Variants in CNTRL observed in about 807,000 individuals in gnomAD.
CNTRL encodes the protein centriolin.
Under a neutral mutation model 303.7 loss-of-function variants are expected in CNTRL, and 233 were observed. That is an observed-to-expected ratio of 0.77 (90% CI 0.69 to 0.86). The LOEUF (loss-of-function observed/expected upper bound fraction) is 0.86. Among genes scored for constraint, CNTRL ranks in the 40% least tolerant of loss-of-function variants. CNTRL has a pLI of 0.00. For synonymous variants in CNTRL, 900 were observed against 922.2 expected (o/e 0.98, Z 0.44); for missense variants, 2,524 against 2,650.6 (o/e 0.95, Z 1.05).
intron 13 of CNTRL, among the ~76,000 whole-genome samples, chr9:121,125,281 C>T (rs2050453680): frequency 6.6e-6 from 1 of 151,836 alleles, no homozygotes; most frequent in Admixed American, 6.6e-5. Context: ...GATCCTCCTG[C>T]CTCAGCCTCG....
At chr9:121,142,550 C>T (rs2051577908) in intron 19 of CNTRL, among the ~76,000 whole-genome samples, 2 of 152,204 alleles carry the variant, frequency 1.3e-5, no homozygotes, top group Non-Finnish European at 2.9e-5. Context: ...GAGTTTGACT[C>T]CTTTGAAACC....
intron 2 of CNTRL, among the ~76,000 whole-genome samples, chr9:121,083,760 G>T (rs545833427): frequency 1.3e-5 from 2 of 152,190 alleles, no homozygotes; most frequent in Non-Finnish European, 2.9e-5. Context: ...AGCACAGTAG[G>T]TTTGTTTACA....
At chr9:121,082,484 T>TGACTG (rs1486159036) in intron 2 of CNTRL, among the ~76,000 whole-genome samples, 2 of 152,234 alleles carry the variant, frequency 1.3e-5, no homozygotes, top group Non-Finnish European at 2.9e-5. Context: ...CATGTGTCCC[T>TGACTG]TAATGACAGA....
At chr9:121,142,291 G>C (rs1469701167) in intron 19 of CNTRL, 21 bp downstream of exon 19, 1 of 1,586,018 alleles carries the variant, frequency 6.3e-7, no homozygotes, top group South Asian at 1.2e-5. Flanking sequence ...CTTAGAAAAT[G>C]AGACACATAA....
intron 8 of CNTRL, among the ~76,000 whole-genome samples, chr9:121,108,744 G>C (rs1195766806): frequency 2.7e-5 from 4 of 150,938 alleles, no homozygotes; most frequent in Non-Finnish European, 5.9e-5. Context: ...CATCAGCCTG[G>C]GCAACATAAT....
intron 8 of CNTRL, 87 bp downstream of exon 8, chr9:121,108,082 C>T (rs2049565203): frequency 2.5e-6 from 2 of 810,766 alleles, no homozygotes; most frequent in Admixed American, 3.4e-5. Flanking sequence ...AACTTCCTGA[C>T]CATATAATGG....
intron 42 of CNTRL, 55 bp downstream of exon 42, chr9:121,173,792 G>T: frequency 2.0e-6 from 3 of 1,516,222 alleles, no homozygotes; most frequent in Non-Finnish European, 2.7e-6. Flanking sequence ...ACATTGGGGA[G>T]GGGAGGGGAA....
In CNTRL at chr9:121,125,841, G is replaced by A; in HGVS notation, c.1930G>A (p.Asp644Asn). 2 of 1,614,222 alleles carry A rather than the reference G, an allele frequency of 1.2e-6. No homozygotes were observed. The highest frequency in any genetic ancestry group is 2.2e-5 in the South Asian group (2 of 91,084). Residue 644 changes from aspartate to asparagine, a missense_variant, in exon 14 of 44, where the codon GAT becomes AAT. Asp to Asn is a conservative substitution (Grantham distance 23). Coordinates refer to ENST00000373855, the MANE Select transcript of CNTRL (RefSeq NM_007018.6). ...CCAGAATGAGTGCAGGAAGCTGCGG[G>A]ATGAGAAAGAGACATTGTTGCAGAG... ...QAQNECRKLR[D>N]EKETLLQRLT...
rs1175030824 is a variant in CNTRL, at chr9:121,173,255, A to G, written c.6430A>G (p.Lys2144Glu). The change falls in exon 41 of 44, where the codon AAA (lysine) becomes GAA (glutamate). Residue 2144 changes from lysine to glutamate, a missense_variant. Coordinates refer to ENST00000373855, the MANE Select transcript of CNTRL (RefSeq NM_007018.6). ...ACTCACTGTTTAGATGGCAAACCAA[A>G]AAGATTTGGAGAGAAGACAAATGGA... ...TELKKQMANQ[K>E]DLERRQMEIS... The G allele has an allele frequency of 1.9e-6, 3 of 1,606,492 alleles. No individual in the cohort carries two copies. Among genetic ancestry groups the G allele is most frequent in the East Asian group, 4.5e-5 (2 of 44,736 alleles).
At chr9:121,152,728 C>G (rs775410793) in intron 26 of CNTRL, 35 bp downstream of exon 26, 1 of 1,446,662 alleles carries the variant, frequency 6.9e-7, no homozygotes, top group Non-Finnish European at 9.6e-7. Context: ...CAGACAAATA[C>G]GATATTAGTT....
chr9:121,149,952 A>G (rs528074082), intron 24 of CNTRL, among the ~76,000 whole-genome samples: 21 of 152,344 alleles, frequency 1.4e-4, no homozygotes, highest in Non-Finnish European at 2.5e-4. Flanking sequence ...ACAGATAAAC[A>G]TAAGAAAAAC....
intron 36 of CNTRL, among the ~76,000 whole-genome samples, chr9:121,167,030 A>AT (rs1433385757): frequency 1.3e-5 from 2 of 149,876 alleles, no homozygotes; most frequent in Non-Finnish European, 3.0e-5. Context: ...TCAAAAAAAA[A>AT]AAAAGTTAAC....
intron 27 of CNTRL, 57 bp downstream of exon 27, chr9:121,154,970 C>A: frequency 7.1e-7 from 1 of 1,404,074 alleles, no homozygotes; most frequent in Non-Finnish European, 1.0e-6. Flanking sequence ...AGCTTACTGT[C>A]CACCTGAAGG....
At chr9:121,176,730 A>C (rs1176828193) in intron 43 of CNTRL, among the ~76,000 whole-genome samples, 1 of 152,146 alleles carries the variant, frequency 6.6e-6, no homozygotes, top group Non-Finnish European at 1.5e-5. Flanking sequence ...TATGGGATAA[A>C]AGCCTGAACT....
In CNTRL at chr9:121,152,487, G is replaced by C. The variant is rs151124524; in HGVS notation, c.3966G>C (p.Glu1322Asp). Residue 1322 changes from glutamate to aspartate, a missense_variant and splice_region_variant, in exon 26 of 44, where the codon GAG (glutamate) becomes GAC (aspartate). By Grantham distance (45) the Glu-to-Asp change is conservative. Coordinates refer to ENST00000373855, the MANE Select transcript of CNTRL (RefSeq NM_007018.6). The stretch of plus-strand genomic sequence containing the variant: ...ATTTTTTTCCCCATCTCATTCAGGA[G>C]AATGAAGTTTCTAGATTAGAAGACA... ...HCNVPEHHNL[E>D]NEVSRLEDIM... 1 of 1,613,144 alleles carries C rather than the reference G, an allele frequency of 6.2e-7. No homozygotes were observed. The highest frequency in any genetic ancestry group is 8.5e-7 in the Non-Finnish European group (1 of 1,179,288).
At chr9:121,127,643 A>G (rs541407492) in intron 14 of CNTRL, among the ~76,000 whole-genome samples, 2 of 151,746 alleles carry the variant, frequency 1.3e-5, no homozygotes, top group Admixed American at 6.6e-5. Flanking sequence ...TAATTTCTAC[A>G]TGATTTTATA....
chr9:121,090,617 T>G (rs2048525958), intron 4 of CNTRL, among the ~76,000 whole-genome samples: 1 of 152,194 alleles, frequency 6.6e-6, no homozygotes, highest in African/African-American at 2.4e-5. Flanking sequence ...AGAGAAGGGG[T>G]TGGCAAAGTA....
chr9:121,106,093 C>G (rs781497400), intron 7 of CNTRL, among the ~76,000 whole-genome samples: 24 of 152,066 alleles, frequency 1.6e-4, no homozygotes, highest in Non-Finnish European at 3.2e-4. Context: ...AATCCCAGCA[C>G]TTTGGGAGGC....
chr9:121,098,476 C>T lies in CNTRL; in HGVS notation c.712C>T (p.Gln238Ter). 1 of 1,613,684 alleles carries T rather than the reference C, an allele frequency of 6.2e-7. No homozygotes were observed. Among genetic ancestry groups the T allele is most frequent in the Non-Finnish European group, 8.5e-7 (1 of 1,179,618 alleles). ...NPVVTLPHYL[Q>*]FTIFHLRSLE... The stretch of plus-strand genomic sequence containing the variant: ...AGTTGTGACCCTTCCTCATTACCTC[C>T]AGTTTACCATTTTCCACCTCCGTTC... Residue 238 changes from glutamine to a stop codon, truncating the protein, a stop_gained, in exon 7 of 44, where the codon CAG becomes TAG. Coordinates refer to ENST00000373855, the MANE Select transcript of CNTRL (RefSeq NM_007018.6). LOFTEE classifies it high-confidence loss of function.
Sources: allele counts gnomAD v4.1 joint callset (sites outside exome capture counted in the v4.1 genomes callset), GRCh38; gene constraint gnomAD v4.1.1; transcripts MANE v1.5; gene names NCBI Gene and HGNC (gene_info 2026-07-23, HGNC 2026-07-21).